The following GET1 variants were observed in gnomAD, a reference collection of about 807,000 sequenced individuals.
GET1 encodes congenital heart disease 5 protein.
Under a neutral mutation model 22.6 loss-of-function variants are expected in GET1, and 20 were observed. The observed-to-expected ratio is 0.89, with a 90% CI of 0.62 to 1.29. The LOEUF (loss-of-function observed/expected upper bound fraction) is 1.29. Among genes scored for constraint, GET1 ranks in the 50% most tolerant of loss-of-function variants. The pLI is 0.00. For synonymous variants in GET1, 92 were observed against 83.8 expected, an observed-to-expected ratio of 1.10 and a Z score of -0.53; for missense variants, 209 against 219.9, an observed-to-expected ratio of 0.95 and a Z score of 0.31.
At chr21:39,410,115 G>T, downstream of GET1, 1 of 1,528,796 alleles carries the variant, frequency 6.5e-7, no homozygotes, top group African/African-American at 1.4e-5. Flanking sequence ...TAGAAAAGCA[G>T]CAAAAACACA....
downstream of GET1, chr21:39,411,233 A>AG (rs2147196935): frequency 4.5e-6 from 1 of 223,048 alleles, no homozygotes; most frequent in Admixed American, 5.4e-5. Context: ...TACTGACTGC[A>AG]GGGGACACGA....
At chr21:39,409,584 G>A (rs200479417), downstream of GET1, among the ~76,000 whole-genome samples, 1 of 151,864 alleles carries the variant, frequency 6.6e-6, no homozygotes, top group Non-Finnish European at 1.5e-5. This position sits in a 1 kb window ranked among gnomAD's most constrained non-coding sequence, Gnocchi z 4.2. Context: ...TTCTGGAAAC[G>A]GTTTTATGTT....
chr21:39,420,685 A>C (rs755189160), intron 1 of GET1: 1 of 1,595,442 alleles, frequency 6.3e-7, no homozygotes, highest in East Asian at 2.2e-5. Flanking sequence ...TCATTCTTAC[A>C]TTTTGTTTTA....
intron 1 of GET1, chr21:39,423,383 G>A: frequency 1.2e-6 from 2 of 1,611,540 alleles, no homozygotes; most frequent in Admixed American, 3.3e-5. Context: ...CTTGCTGAGA[G>A]TATTCGATGA....
chr21:39,389,809 T>C (rs551316957), intron 1 of GET1, among the ~76,000 whole-genome samples: 1 of 152,310 alleles, frequency 6.6e-6, no homozygotes, highest in East Asian at 1.9e-4. Context: ...TCACCACTGT[T>C]ACCCTGCACC....
downstream of GET1, chr21:39,406,861 G>A (rs1202909948): frequency 2.5e-6 from 1 of 403,742 alleles, no homozygotes; most frequent in Non-Finnish European, 4.4e-6. Flanking sequence ...GACATTCATA[G>A]AAGAAGAAAT....
chr21:39,383,426 T>C (rs2037691854), intron 1 of GET1, among the ~76,000 whole-genome samples: 1 of 150,784 alleles, frequency 6.6e-6, no homozygotes, highest in African/African-American at 2.4e-5. Context: ...GGATTACAGG[T>C]GCCCGCCACT....
chr21:39,384,771 G>A (rs2037780621), intron 1 of GET1, among the ~76,000 whole-genome samples: 1 of 151,926 alleles, frequency 6.6e-6, no homozygotes, highest in Non-Finnish European at 1.5e-5. Context: ...TTTAGAGGCC[G>A]GGTCTTGCTC....
At chr21:39,393,607 A>G (rs2038450636) in intron 4 of GET1, among the ~76,000 whole-genome samples, 1 of 152,134 alleles carries the variant, frequency 6.6e-6, no homozygotes, top group South Asian at 2.1e-4. Context: ...AATCCCTATT[A>G]TGGTTGGCTT....
chr21:39,408,149 C>T (rs2039432122), downstream of GET1, among the ~76,000 whole-genome samples: 1 of 152,178 alleles, frequency 6.6e-6, no homozygotes, highest in Admixed American at 6.5e-5. Context: ...CCAGATCTCC[C>T]ACGAGTGGTA....
At chr21:39,394,939 A>G (rs1486192823) in intron 4 of GET1, among the ~76,000 whole-genome samples, 12 of 151,624 alleles carry the variant, frequency 7.9e-5, no homozygotes, top group Admixed American at 7.2e-4. Context: ...GCACCCTCAT[A>G]GCTCACTACA....
chr21:39,390,329 G>A (rs2837000), intron 1 of GET1, among the ~76,000 whole-genome samples: 96,268 of 151,996 alleles, frequency 0.63, 31,375 homozygotes, highest in East Asian at 0.77. Context: ...CATTCATGAC[G>A]GGAACTTACA....
At chr21:39,399,948 T>C (rs2038798776), downstream of GET1, among the ~76,000 whole-genome samples, 1 of 151,270 alleles carries the variant, frequency 6.6e-6, no homozygotes, top group South Asian at 2.1e-4. Flanking sequence ...AGGGTCTCAC[T>C]ATGTTGCCCA....
At chr21:39,403,699 G>A (rs1040444041) in intron 4 of GET1, among the ~76,000 whole-genome samples, 3 of 151,736 alleles carry the variant, frequency 2.0e-5, no homozygotes, top group South Asian at 2.1e-4. Context: ...TTGGCTCACT[G>A]CAACCTCTGC....
chr21:39,387,570 A>G (rs965957483), intron 1 of GET1, among the ~76,000 whole-genome samples: 16 of 152,098 alleles, frequency 1.1e-4, no homozygotes, highest in African/African-American at 3.6e-4. Context: ...GGGCAGAGGC[A>G]CCACAAAGAG....
chr21:39,389,374 T>C (rs2038146415), intron 1 of GET1, among the ~76,000 whole-genome samples: 1 of 152,022 alleles, frequency 6.6e-6, no homozygotes, highest in Non-Finnish European at 1.5e-5. Context: ...CTTGAACTCC[T>C]GTATACAAGA....
chr21:39,391,952 G>C (rs917192974), intron 3 of GET1, 116 bp downstream of exon 3: 12 of 945,432 alleles, frequency 1.3e-5, no homozygotes, highest in Admixed American at 1.1e-4. Flanking sequence ...CTGTCGTGTC[G>C]TGTGTCCCTG....
chr21:39,392,522 C>T (rs1001870402), intron 3 of GET1, among the ~76,000 whole-genome samples: 7 of 152,104 alleles, frequency 4.6e-5, no homozygotes, highest in South Asian at 2.1e-4. Flanking sequence ...GATAAGTTTC[C>T]GCAGACAAAG....
chr21:39,421,828 T>C (rs2074308256), intron 1 of GET1: 1 of 144,586 alleles, frequency 6.9e-6, no homozygotes, highest in Non-Finnish European at 1.5e-5. Flanking sequence ...CTCCACTAAA[T>C]GCCTACAACC....
Sources: gnomAD v4.1 joint callset for allele counts (sites outside exome capture counted in the v4.1 genomes callset) on GRCh38, gnomAD v4.1.1 for gene constraint, Gnocchi (gnomAD v3.1) non-coding constraint, MANE v1.5 for transcripts, NCBI Gene and HGNC (gene_info 2026-07-23, HGNC 2026-07-21) for gene names.